The following ZNF704 variants were observed in gnomAD, a reference collection of about 807,000 sequenced individuals.
ZNF704 encodes the protein zinc finger protein 704.
In ZNF704, 10 loss-of-function variants were observed where a neutral mutation model predicts 44.7. The ratio of observed to expected loss-of-function variants is 0.22; its 90% confidence interval spans 0.14 to 0.38. ZNF704 has a LOEUF of 0.38. Among genes scored for constraint, ZNF704 ranks in the 10% least tolerant of loss-of-function variants. ZNF704 has a pLI of 1.00. For missense variants in ZNF704, 390 were observed against 545.5 expected, an observed-to-expected ratio of 0.71 and a Z score of 2.84; for synonymous variants, 211 against 207.6, an observed-to-expected ratio of 1.02 and a Z score of -0.14.
intron 7 of ZNF704, among the ~76,000 whole-genome samples, chr8:80,645,957 G>A (rs893330275): frequency 1.3e-5 from 2 of 152,100 alleles, no homozygotes; most frequent in African/African-American, 2.4e-5. Flanking sequence ...GGCTATGAGG[G>A]CTCCACTCCC....
intron 1 of ZNF704, among the ~76,000 whole-genome samples, chr8:80,826,513 C>T (rs1010558108): frequency 1.4e-4 from 21 of 152,288 alleles, no homozygotes; most frequent in African/African-American, 4.8e-4. Flanking sequence ...GAGCTGGTAC[C>T]ATTCCTTCTG....
At position 80,821,528 on chromosome 8, in the gene ZNF704, C is replaced by T. The variant is rs748413144; in HGVS notation, c.67G>A (p.Val23Met). ...DCGKKMSHQH[V>M]FSLAMEEDVK... is the part of the protein sequence containing the mutation. ...TCTTCCTCCATGGCCAAGGAAAACA[C>T]GTGTTGATGAGACATTTTTTTACCA... The change falls in exon 2 of 9, where the codon GTG becomes ATG. Residue 23 changes from valine to methionine, a missense_variant. Physicochemically the swap from Val to Met is conservative, Grantham distance 21. Transcript: ENST00000327835. 8.1e-6 allele frequency: 13 copies of T among 1,614,078 alleles called. No individual in the cohort carries two copies. The highest frequency in any genetic ancestry group is 4.5e-5 in the East Asian group (2 of 44,878).
chr8:80,841,322 G>A (rs1018433785), intron 1 of ZNF704, among the ~76,000 whole-genome samples: 1 of 152,194 alleles, frequency 6.6e-6, no homozygotes, highest in African/African-American at 2.4e-5. Flanking sequence ...CAGCAGCACA[G>A]GAAAATAATA....
At chr8:80,803,066 A>C (rs1807928723) in intron 2 of ZNF704, among the ~76,000 whole-genome samples, 1 of 152,200 alleles carries the variant, frequency 6.6e-6, no homozygotes. Context: ...CAGAGAGCCA[A>C]ATCATGAATG....
At chr8:80,783,536 C>T (rs1460715221) in intron 2 of ZNF704, among the ~76,000 whole-genome samples, 1 of 152,086 alleles carries the variant, frequency 6.6e-6, no homozygotes, top group Non-Finnish European at 1.5e-5. Context: ...TTCAGCTTGC[C>T]TAATGGGGGA....
intron 7 of ZNF704, among the ~76,000 whole-genome samples, chr8:80,646,266 G>A (rs1817832470): frequency 6.6e-6 from 1 of 152,150 alleles, no homozygotes; most frequent in South Asian, 2.1e-4. Flanking sequence ...GATCACTTGA[G>A]TCCAGGAGTT....
intron 2 of ZNF704, among the ~76,000 whole-genome samples, chr8:80,816,893 T>C (rs1808185408): frequency 6.6e-6 from 1 of 152,176 alleles, no homozygotes; most frequent in South Asian, 2.1e-4. Flanking sequence ...GTAGTGCTTT[T>C]CCCTTGAAAT....
At chr8:80,660,177 T>C (rs1788968474) in intron 6 of ZNF704, among the ~76,000 whole-genome samples, 2 of 152,188 alleles carry the variant, frequency 1.3e-5, no homozygotes, top group African/African-American at 4.8e-5. Context: ...CTATATATTA[T>C]AAAAAACAAT....
At chr8:80,744,839 C>G (rs1806819179) in intron 2 of ZNF704, among the ~76,000 whole-genome samples, 1 of 152,140 alleles carries the variant, frequency 6.6e-6, no homozygotes, top group African/African-American at 2.4e-5. Flanking sequence ...AGAAGACAAA[C>G]AGATATATCT....
At chr8:80,673,676 A>G (rs1426633818) in intron 4 of ZNF704, among the ~76,000 whole-genome samples, 1 of 152,232 alleles carries the variant, frequency 6.6e-6, no homozygotes. Flanking sequence ...TTATCTGGAC[A>G]GCCACCCCAT....
chr8:80,764,459 G>T (rs1330414116), intron 2 of ZNF704, among the ~76,000 whole-genome samples: 1 of 152,130 alleles, frequency 6.6e-6, no homozygotes, highest in Non-Finnish European at 1.5e-5. Context: ...ATACATGGGG[G>T]AAACTGCCCC....
At chr8:80,681,046 T>C (rs565551369) in intron 4 of ZNF704, among the ~76,000 whole-genome samples, 1 of 152,336 alleles carries the variant, frequency 6.6e-6, no homozygotes, top group South Asian at 2.1e-4. Context: ...CTTGTATCAG[T>C]AGTTTGCTCC....
chr8:80,794,936 C>A (rs1416816730), intron 2 of ZNF704, among the ~76,000 whole-genome samples: 1 of 152,138 alleles, frequency 6.6e-6, no homozygotes, highest in Non-Finnish European at 1.5e-5. Context: ...AAAACAAAAA[C>A]AAATGGCCAC....
intron 2 of ZNF704, among the ~76,000 whole-genome samples, chr8:80,750,877 T>A (rs1806931225): frequency 6.6e-6 from 1 of 152,196 alleles, no homozygotes; most frequent in South Asian, 2.1e-4. Flanking sequence ...CATGTGTGGC[T>A]ACTGTCCTGG....
At chr8:80,714,379 T>C (rs1198057120) in intron 2 of ZNF704, among the ~76,000 whole-genome samples, 1 of 152,256 alleles carries the variant, frequency 6.6e-6, no homozygotes, top group Non-Finnish European at 1.5e-5. Flanking sequence ...CTGAAGATTC[T>C]TGTAGTCATG....
intron 5 of ZNF704, among the ~76,000 whole-genome samples, chr8:80,665,688 A>G (rs1260195866): frequency 6.6e-6 from 1 of 152,194 alleles, no homozygotes; most frequent in Non-Finnish European, 1.5e-5. Flanking sequence ...GAAAACAGAG[A>G]TTTAAAAAAT....
intron 2 of ZNF704, among the ~76,000 whole-genome samples, chr8:80,768,400 A>T (rs1807263379): frequency 6.6e-6 from 1 of 152,160 alleles, no homozygotes; most frequent in Non-Finnish European, 1.5e-5. Context: ...CATGAGTTGG[A>T]CACTGGCAAG....
chr8:80,793,969 G>T (rs1331541266), intron 2 of ZNF704, among the ~76,000 whole-genome samples: 1 of 152,080 alleles, frequency 6.6e-6, no homozygotes, highest in South Asian at 2.1e-4. Context: ...ACAAATAGGG[G>T]GATGAAAGAA....
Position 80,701,316 on chromosome 8 carries a change from T to C in ZNF704, c.222-8209A>G, listed in dbSNP as rs558148064. Among the ~76,000 whole-genome samples the C allele has an allele frequency of 2.0e-5, 3 of 152,110 alleles. No individual in the cohort carries two copies. In the South Asian group the frequency reaches 6.2e-4, roughly 32 times the overall value. ...AACTGCCCGCTTCTAGCCAGGATTC[T>C]GCCTTATCTTCACCTCTCTCTGCAA... On this transcript the variant is annotated intron_variant, in intron 2 of 8. Coordinates refer to ENST00000327835, the MANE Select transcript of ZNF704 (RefSeq NM_001033723.3).
Sources: allele counts gnomAD v4.1 joint callset (sites outside exome capture counted in the v4.1 genomes callset), GRCh38; gene constraint gnomAD v4.1.1; transcripts MANE v1.5; gene names NCBI Gene and HGNC (gene_info 2026-07-23, HGNC 2026-07-21).